GART: variants seen among roughly 807,000 people sequenced by gnomAD.
GART encodes phosphoribosylglycinamide formyltransferase, phosphoribosylglycinamide synthetase, phosphoribosylaminoimidazole synthetase, also known as trifunctional purine biosynthetic protein adenosine-3.
Under a neutral mutation model 107.2 loss-of-function variants are expected in GART, and 43 were observed. The ratio of observed to expected loss-of-function variants is 0.40; its 90% confidence interval spans 0.31 to 0.52. The LOEUF (loss-of-function observed/expected upper bound fraction) is 0.52. Ranked by LOEUF, GART falls within the 20% of genes least tolerant of loss-of-function variation. The pLI is 0.52. For synonymous variants in GART, 434 were observed against 427.0 expected, an observed-to-expected ratio of 1.02 and a Z score of -0.20; for missense variants, 1,107 against 1,206.5, an observed-to-expected ratio of 0.92 and a Z score of 1.22.
At position 33,504,067 on chromosome 21, in the gene GART, C is replaced by T. The variant is rs915235479; in HGVS notation, c.*57G>A. The stretch of plus-strand genomic sequence containing the variant: ...GGGCCAAGTCCATGATAAAAAACCA[C>T]CATGCAAACAGCAAATAATTCTTTC... On this transcript the variant is annotated 3_prime_UTR_variant, in exon 22 of 22. Transcript: ENST00000381815. The T allele has an allele frequency of 1.1e-4, 162 of 1,483,474 alleles. No individual in the cohort carries two copies. The highest frequency in any genetic ancestry group is 1.4e-4 in the Non-Finnish European group (157 of 1,101,134). 91.9% of individuals were successfully genotyped at this position (1,483,474 alleles called of 1,614,324 possible). A position where few individuals can be genotyped will look rare whatever the true frequency, so the allele number is the denominator to read the frequency against.
intron 16 of GART, among the ~76,000 whole-genome samples, chr21:33,511,996 G>A (rs1479653712): frequency 6.6e-6 from 1 of 151,870 alleles, no homozygotes; most frequent in African/African-American, 2.4e-5. Context: ...TCGGCCGGGC[G>A]TGAGAATCCC....
In GART at chr21:33,524,881, G is replaced by A; in HGVS notation, c.1186C>T (p.Leu396Phe). 1 of 1,614,194 alleles carries A rather than the reference G, an allele frequency of 6.2e-7. No individual in the cohort carries two copies. Among genetic ancestry groups the A allele is most frequent in the South Asian group, 1.1e-5 (1 of 91,086 alleles). ...VLAVTAIREN[L>F]ISALEEAKKG... ...TTGGCTTCCTCAAGGGCTGATATGA[G>A]ATTTTCCCGGATGGCTGTGACTGCA... The change falls in exon 11 of 22, where the codon CTC becomes TTC. Residue 396 changes from leucine to phenylalanine, a missense_variant. Coordinates refer to ENST00000381815, the MANE Select transcript of GART (RefSeq NM_000819.5).
chr21:33,539,058 G>T, intron 2 of GART, 113 bp downstream of exon 2: 1 of 986,758 alleles, frequency 1.0e-6, no homozygotes. Context: ...GGGATTACAG[G>T]CATTAGCCAC....
chr21:33,523,828 A>C (rs1448402802), intron 11 of GART, among the ~76,000 whole-genome samples: 1 of 152,042 alleles, frequency 6.6e-6, no homozygotes, highest in Non-Finnish European at 1.5e-5. Context: ...TTAGCTGGGC[A>C]CGGTGGCAGG....
rs527760350 is a variant in GART at position 33,505,677 on chromosome 21, T to G, written c.2609A>C (p.Asn870Thr). 1 of 1,608,036 alleles carries G rather than the reference T, an allele frequency of 6.2e-7. No individual in the cohort carries two copies. Among genetic ancestry groups the G allele is most frequent in the South Asian group, 1.1e-5 (1 of 89,736 alleles). The change falls in exon 20 of 22, where the codon AAT becomes ACT. Residue 870 changes from asparagine (N) to threonine (T), a missense_variant. By Grantham distance (65) the Asn-to-Thr change is moderately conservative. Transcript: ENST00000381815. ...TRVINHKLYK[N>T]RVEFDSAIDL... ...AATTGCACTGTCAAATTCTACACGA[T>G]TTTTATACAGTTTATGATTAATTAC...
intron 18 of GART, among the ~76,000 whole-genome samples, chr21:33,508,056 A>G (rs895267207): frequency 6.6e-6 from 1 of 152,184 alleles, no homozygotes; most frequent in Non-Finnish European, 1.5e-5. Context: ...CTCTTGGGAT[A>G]ATGGATTAAT....
chr21:33,528,839 G>A lies in GART; in HGVS notation c.811+11C>T, dbSNP rs1353440815. On this transcript the variant is annotated intron_variant, in intron 8 of 21. Transcript: ENST00000381815. ...TATAGGTGGCTTCCATAGTAATGTGGGTGGGCCTACCTGTATATGGAGTAC... is the reference window on the plus strand; with the variant it reads ...TATAGGTGGCTTCCATAGTAATGTGAGTGGGCCTACCTGTATATGGAGTAC... 2.5e-6 allele frequency: 4 copies of A among 1,584,488 alleles called. No homozygotes were observed. The highest frequency in any genetic ancestry group is 1.7e-5 in the Admixed American group (1 of 59,210).
intron 18 of GART, among the ~76,000 whole-genome samples, chr21:33,506,988 A>C (rs1366068021): frequency 6.6e-6 from 1 of 152,182 alleles, no homozygotes; most frequent in African/African-American, 2.4e-5. Context: ...ATTATTATGG[A>C]GAACAGTTTG....
chr21:33,530,734 C>G, intron 7 of GART, 25 bp downstream of exon 7: 1 of 1,405,852 alleles, frequency 7.1e-7, no homozygotes. Context: ...TACTACAAGA[C>G]TTCAGCAGAG....
chr21:33,536,016 G>A (rs1406850840), intron 2 of GART, among the ~76,000 whole-genome samples: 2 of 150,590 alleles, frequency 1.3e-5, no homozygotes, highest in Non-Finnish European at 3.0e-5. Flanking sequence ...TAGATAACAA[G>A]AACGAAACTC....
At chr21:33,531,342 A>G in intron 6 of GART, 147 bp downstream of exon 6, 1 of 718,248 alleles carries the variant, frequency 1.4e-6, no homozygotes, top group Non-Finnish European at 2.3e-6. Context: ...TGCACCCCCA[A>G]CAATAAAAGT....
chr21:33,519,021 A>G, intron 14 of GART: 1 of 266,998 alleles, frequency 3.7e-6, no homozygotes, highest in Non-Finnish European at 7.6e-6. Context: ...TAACTTCTTA[A>G]GGAGAACTGA....
intron 3 of GART, among the ~76,000 whole-genome samples, 162 bp downstream of exon 3, chr21:33,535,063 T>C (rs116266841): frequency 6.6e-6 from 1 of 152,264 alleles, no homozygotes; most frequent in African/African-American, 2.4e-5. Context: ...ATATAACTGA[T>C]GCTTGGGAAA....
intron 1 of GART, among the ~76,000 whole-genome samples, chr21:33,540,496 T>C (rs1362526925): frequency 2.0e-5 from 3 of 152,226 alleles, no homozygotes; most frequent in Non-Finnish European, 4.4e-5. Flanking sequence ...CTAATTCAAA[T>C]AGCGCAATAT....
Position 33,517,496 on chromosome 21 carries a change from G to C in GART, c.1815C>G (p.Ile605Met). ...RDQKLPHLER[I>M]TEGDVVVGIA... is the part of the protein sequence containing the mutation. ...TTCCAACAACAACATCACCCTCAGT[G>C]ATTCTTTCCAGGTGAGGGAGTTTCT... The change falls in exon 15 of 22, where the codon ATC (isoleucine) becomes ATG (methionine). Residue 605 changes from isoleucine to methionine, a missense_variant. Ile to Met is a conservative substitution (Grantham distance 10, BLOSUM62 1). Coordinates refer to ENST00000381815, the MANE Select transcript of GART (RefSeq NM_000819.5). 1 of 1,614,238 alleles carries C rather than the reference G, an allele frequency of 6.2e-7. No individual in the cohort carries two copies. The highest frequency in any genetic ancestry group is 8.5e-7 in the Non-Finnish European group (1 of 1,180,042).
Position 33,509,911 on chromosome 21 carries a change from C to T in GART, c.2324G>A (p.Arg775His), listed in dbSNP as rs148170440. The T allele has an allele frequency of 1.9e-4, 311 of 1,610,084 alleles. No individual in the cohort carries two copies. The highest frequency in any genetic ancestry group is 2.4e-4 in the Non-Finnish European group (278 of 1,178,534). ...TTCAATCAGATTCTTGACTTTCACA[C>T]GTGGGGAACCTTCATTTCAAACATA... ...SVVARAEGSP[R>H]VKVKNLIESM... Residue 775 changes from arginine (R) to histidine (H), a missense_variant, in exon 18 of 22, where the codon CGT becomes CAT. Coordinates refer to ENST00000381815, the MANE Select transcript of GART (RefSeq NM_000819.5).
At position 33,517,575 on chromosome 21, in the gene GART, G is replaced by T. The variant is rs768740452; in HGVS notation, c.1736C>A (p.Pro579His). 3 of 1,614,154 alleles carry T rather than the reference G, an allele frequency of 1.9e-6. No individual in the cohort carries two copies. Among genetic ancestry groups the T allele is most frequent in the Non-Finnish European group, 2.5e-6 (3 of 1,180,018 alleles). The change falls in exon 15 of 22, where the codon CCC (proline) becomes CAC (histidine). Residue 579 changes from proline to histidine, a missense_variant. Physicochemically the swap from Pro to His is moderately conservative, Grantham distance 77. Coordinates refer to ENST00000381815, the MANE Select transcript of GART (RefSeq NM_000819.5). The stretch of plus-strand genomic sequence containing the variant: ...CCCAGCTAGGTCATACTCTCCAGGG[G>T]GATACATGTCAGGCATTTCTGCTGT... ...GETAEMPDMY[P>H]PGEYDLAGFA...
intron 17 of GART, among the ~76,000 whole-genome samples, chr21:33,510,762 A>T (rs1569011653): frequency 1.3e-5 from 2 of 150,330 alleles, no homozygotes; most frequent in Non-Finnish European, 3.0e-5. Context: ...AAGGTCTGAC[A>T]TTTTTTTTTT....
At chr21:33,517,328 C>T in intron 15 of GART, 29 bp downstream of exon 15, 3 of 1,612,776 alleles carry the variant, frequency 1.9e-6, no homozygotes, top group Non-Finnish European at 2.5e-6. Context: ...CATTTCCAAG[C>T]AGGACAGTTT....
Sources: gnomAD v4.1 joint callset for allele counts (sites outside exome capture counted in the v4.1 genomes callset) on GRCh38, gnomAD v4.1.1 for gene constraint, MANE v1.5 for transcripts, NCBI Gene and HGNC (gene_info 2026-07-23, HGNC 2026-07-21) for gene names.